Variants in BPTF observed in about 807,000 individuals in gnomAD.
BPTF encodes the protein nucleosome-remodeling factor subunit BPTF.
BPTF carries 18 observed loss-of-function variants against 292.5 expected under a neutral mutation model. The observed-to-expected ratio is 0.06, with a 90% CI of 0.04 to 0.09. The LOEUF is 0.09. Among genes scored for constraint, BPTF ranks in the 10% least tolerant of loss-of-function variants. The pLI, the probability that BPTF is intolerant of heterozygous loss-of-function variation, is 1.00. For synonymous variants in BPTF, 1,225 were observed against 1,251.9 expected (o/e 0.98, Z 0.45); for missense variants, 2,726 against 3,498.7 (o/e 0.78, Z 5.57).
At chr17:67,924,736 C>A in intron 15 of BPTF, 147 bp downstream of exon 15, 1 of 809,530 alleles carries the variant, frequency 1.2e-6, no homozygotes, top group South Asian at 1.7e-5. Context: ...TTCATGCACA[C>A]CCATGCACAG....
intron 4 of BPTF, among the ~76,000 whole-genome samples, chr17:67,884,855 T>G (rs2060650433): frequency 6.6e-6 from 1 of 152,188 alleles, no homozygotes; most frequent in Non-Finnish European, 1.5e-5. Context: ...ATTGCTGTGT[T>G]AAGTAAATGC....
intron 4 of BPTF, among the ~76,000 whole-genome samples, chr17:67,888,716 G>A (rs2060909083): frequency 6.6e-6 from 1 of 152,060 alleles, no homozygotes; most frequent in Admixed American, 6.6e-5. Context: ...AGTAGAGGGT[G>A]TTCTTTAATA....
chr17:67,943,176 C>G (rs2065522202), intron 19 of BPTF, among the ~76,000 whole-genome samples: 1 of 152,120 alleles, frequency 6.6e-6, no homozygotes, highest in Non-Finnish European at 1.5e-5. Context: ...GCAATGGTGA[C>G]CACAGTGGCG....
intron 11 of BPTF, among the ~76,000 whole-genome samples, chr17:67,915,168 C>T (rs1358014500): frequency 6.6e-6 from 1 of 152,138 alleles, no homozygotes; most frequent in Non-Finnish European, 1.5e-5. Flanking sequence ...GAAAACTTGT[C>T]TCATACACTC....
At chr17:67,959,378 T>C (rs782250893) in intron 23 of BPTF, among the ~76,000 whole-genome samples, 163 bp from the exon 24 acceptor site, 1 of 152,196 alleles carries the variant, frequency 6.6e-6, no homozygotes, top group Non-Finnish European at 1.5e-5. Flanking sequence ...CTTAGTTGGG[T>C]TTAAGATATA....
chr17:67,941,725 A>G (rs1023356093), intron 19 of BPTF, among the ~76,000 whole-genome samples: 2 of 152,240 alleles, frequency 1.3e-5, no homozygotes, highest in African/African-American at 2.4e-5. Flanking sequence ...TTCCAGGAGG[A>G]TGAAAGTCCT....
chr17:67,882,091 T>C (rs544238834), intron 4 of BPTF, among the ~76,000 whole-genome samples: 20 of 152,102 alleles, frequency 1.3e-4, no homozygotes, highest in Non-Finnish European at 2.5e-4. Context: ...CACTTCAGCC[T>C]CCCAAAGTGG....
chr17:67,913,573 AAAAT>A (rs2062793056), intron 11 of BPTF, among the ~76,000 whole-genome samples: 1 of 152,202 alleles, frequency 6.6e-6, no homozygotes, highest in African/African-American at 2.4e-5. Flanking sequence ...TAATTCATAA[AAAAT>A]AAGACATAAA....
At chr17:67,894,191 T>A in intron 7 of BPTF, 26 bp downstream of exon 7, 2 of 1,611,116 alleles carry the variant, frequency 1.2e-6, no homozygotes, top group Non-Finnish European at 1.7e-6. Context: ...GCCTTGTAAA[T>A]GATGAGTATT....
At chr17:67,893,875 T>C in intron 6 of BPTF, 150 bp downstream of exon 6, 1 of 1,151,968 alleles carries the variant, frequency 8.7e-7, no homozygotes, top group Non-Finnish European at 1.2e-6. Flanking sequence ...ATGAGTGTAC[T>C]TCTAACTTAC....
At chr17:67,866,263 T>C (rs4791044) in intron 2 of BPTF, among the ~76,000 whole-genome samples, 136,340 of 152,220 alleles carry the variant, frequency 0.9, 61,705 homozygotes, top group Non-Finnish European at 0.96. Flanking sequence ...ATTTTGAGGT[T>C]ATTTTTCTTT....
chr17:67,891,782 T>C (rs1194403720), intron 4 of BPTF, 62 bp from the exon 5 acceptor site: 1 of 1,328,924 alleles, frequency 7.5e-7, no homozygotes, highest in Non-Finnish European at 1.0e-6. Context: ...TTTGGTGAAA[T>C]AAGGTGGTTA....
intron 18 of BPTF, among the ~76,000 whole-genome samples, chr17:67,935,530 GTCTAA>G (rs1332250700): frequency 6.6e-6 from 1 of 152,174 alleles, no homozygotes; most frequent in African/African-American, 2.4e-5. Context: ...TATTTTGCAA[GTCTAA>G]TCTAGGGAAA....
intron 23 of BPTF, chr17:67,950,834 G>C (rs1555678184): frequency 1.6e-5 from 1 of 61,002 alleles, no homozygotes; most frequent in African/African-American, 3.8e-5. Context: ...GTGAGACTAG[G>C]TCTCAAAAAA....
intron 9 of BPTF, among the ~76,000 whole-genome samples, chr17:67,908,776 C>T (rs1281878579): frequency 6.6e-6 from 1 of 151,720 alleles, no homozygotes; most frequent in Non-Finnish European, 1.5e-5. Flanking sequence ...CAGGCATAAG[C>T]CACTACACCC....
In BPTF at chr17:67,825,897, T is replaced by A. The variant is rs2055950344; in HGVS notation, c.173T>A (p.Val58Glu). ...RGRWAAAQAE[V>E]APKTRLSSPR... is the part of the protein sequence containing the mutation. ...AGGTGGGCCGCCGCCCAGGCTGAGG[T>A]GGCGCCCAAGACGCGGCTGAGCTCG... is the stretch of plus-strand genomic sequence containing the variant. Residue 58 changes from valine to glutamate, a missense_variant, in exon 1 of 28, where the codon GTG becomes GAG. Physicochemically the swap from Val to Glu is moderately radical, Grantham distance 121. Transcript: ENST00000306378. 9.9e-7 allele frequency: 1 copy of A among 1,013,104 alleles called. No homozygotes were observed. Among genetic ancestry groups the A allele is most frequent in the Non-Finnish European group, 1.2e-6 (1 of 850,132 alleles). The allele number at this position is 1,013,104 out of a possible 1,614,324, so 62.8% of individuals were successfully genotyped here. A position where few individuals can be genotyped will look rare whatever the true frequency, so the allele number is the denominator to read the frequency against.
At position 67,832,573 on chromosome 17, in the gene BPTF, C is replaced by G. The variant is rs187354675; in HGVS notation, c.613+6236C>G. On this transcript the variant is annotated intron_variant, in intron 1 of 27. Transcript: ENST00000306378. ...GCTGTATGGAGATATAATTTATATA[C>G]TGTAAAATGTACCCTTGTAAAGTAT... is the stretch of plus-strand genomic sequence containing the variant. Among the ~76,000 whole-genome samples, 330 of 152,090 alleles carry G rather than the reference C, an allele frequency of 2.2e-3. 2 individuals are homozygous for G. The highest frequency in any genetic ancestry group is 7.6e-3 in the African/African-American group (317 of 41,476).
intron 1 of BPTF, among the ~76,000 whole-genome samples, chr17:67,835,212 T>TAA (rs35146367): frequency 1.3e-5 from 2 of 150,672 alleles, no homozygotes; most frequent in East Asian, 2.0e-4. Context: ...ACCCATCTCT[T>TAA]AAAAAAAAAA....
intron 9 of BPTF, 118 bp downstream of exon 9, chr17:67,904,958 TGCA>T (rs1454960968): frequency 3.9e-6 from 3 of 774,638 alleles, no homozygotes; most frequent in Non-Finnish European, 5.8e-6. Context: ...TTATTCGTAC[TGCA>T]GAATTACTAG....
Sources: allele counts gnomAD v4.1 joint callset (sites outside exome capture counted in the v4.1 genomes callset), GRCh38; gene constraint gnomAD v4.1.1; transcripts MANE v1.5; gene names NCBI Gene and HGNC (gene_info 2026-07-23, HGNC 2026-07-21).